UBE2V2: variants seen among roughly 807,000 people sequenced by gnomAD.
UBE2V2 encodes ubiquitin-conjugating enzyme E2 variant 2.
A neutral mutation model predicts 17.2 loss-of-function variants in UBE2V2; 9 were observed. That is an observed-to-expected ratio of 0.52 (90% CI 0.32 to 0.91). The LOEUF (loss-of-function observed/expected upper bound fraction) is 0.91, where lower values mean the gene tolerates loss of function less well. UBE2V2 is among the 40% of genes least tolerant of loss of function. UBE2V2 has a pLI of 0.04. For missense variants in UBE2V2, 133 were observed against 182.6 expected (o/e 0.73, Z 1.56); for synonymous variants, 61 against 57.5 (o/e 1.06, Z -0.28).
chr8:48,037,267 T>A (rs1002394960), intron 1 of UBE2V2, among the ~76,000 whole-genome samples: 2 of 152,264 alleles, frequency 1.3e-5, no homozygotes, highest in African/African-American at 4.8e-5. Flanking sequence ...AATCAGTCTA[T>A]GAAAGGATAA....
At chr8:48,004,925 T>A (rs1396906993), upstream of UBE2V2, among the ~76,000 whole-genome samples, 1 of 151,586 alleles carries the variant, frequency 6.6e-6, no homozygotes, top group Non-Finnish European at 1.5e-5. Flanking sequence ...ACCTCCTGGC[T>A]CAAGTGATCC....
rs1563854639 is a variant in UBE2V2 at position 48,035,634 on chromosome 8, TGTGTGTG to T, written c.17-7398_17-7392del. On this transcript the variant is annotated intron_variant, in intron 1 of 3. Coordinates refer to ENST00000523111, the MANE Select transcript of UBE2V2 (RefSeq NM_003350.3). ...AAAAATTATTGTTTTTTTTTTTTTG[TGTGTGTG>T]TGTGTGTGTGTGTGTGTGTATATGT... is the stretch of plus-strand genomic sequence containing the variant. 6.0e-4 allele frequency among the ~76,000 whole-genome samples: 77 copies of T among 128,224 alleles called. 1 individual carries two copies. Among genetic ancestry groups the T allele is most frequent in the African/African-American group, 1.2e-3 (37 of 30,050 alleles). 84.1% of individuals were successfully genotyped at this position (128,224 alleles called of 152,430 possible). A position where few individuals can be genotyped will look rare whatever the true frequency, so the allele number is the denominator to read the frequency against.
At chr8:48,033,117 TTTC>T (rs2091395234) in intron 1 of UBE2V2, among the ~76,000 whole-genome samples, 1 of 152,186 alleles carries the variant, frequency 6.6e-6, no homozygotes, top group Non-Finnish European at 1.5e-5. Flanking sequence ...AGACTTGACT[TTTC>T]TTAGTGTCCT....
chr8:48,002,873 T>C, the UBE2V2 span, among the ~76,000 whole-genome samples: 4 of 151,984 alleles, frequency 2.6e-5, no homozygotes, highest in Admixed American at 6.6e-5. Flanking sequence ...GATTTAGCCA[T>C]TCCGTAATGT....
At chr8:47,998,674 G>C in the UBE2V2 span, among the ~76,000 whole-genome samples, 2 of 151,718 alleles carry the variant, frequency 1.3e-5, no homozygotes, top group Non-Finnish European at 2.9e-5. Flanking sequence ...AGGGGAGGGA[G>C]GGGGAGAGAG....
chr8:48,042,782 T>C (rs2154507721), intron 1 of UBE2V2: 1 of 294,100 alleles, frequency 3.4e-6, no homozygotes, highest in Non-Finnish European at 6.2e-6. Context: ...CTTACATCAG[T>C]ATAAAATTGA....
chr8:48,029,898 T>C (rs890372289), intron 1 of UBE2V2, among the ~76,000 whole-genome samples: 4 of 152,220 alleles, frequency 2.6e-5, no homozygotes, highest in African/African-American at 9.7e-5. Flanking sequence ...TTATGCCCAT[T>C]TAATAGTCTC....
chr8:48,058,239 C>G (rs545040602), intron 3 of UBE2V2, among the ~76,000 whole-genome samples: 1 of 151,672 alleles, frequency 6.6e-6, no homozygotes, highest in Non-Finnish European at 1.5e-5. Flanking sequence ...GAGGCTGAGG[C>G]GGGTGGATCA....
At chr8:48,060,256 G>A (rs889000772) in intron 3 of UBE2V2, among the ~76,000 whole-genome samples, 1 of 149,786 alleles carries the variant, frequency 6.7e-6, no homozygotes, top group African/African-American at 2.5e-5. Flanking sequence ...TAGGAATAGT[G>A]CGTAGAATAC....
chr8:48,053,308 A>G (rs2091550755), intron 3 of UBE2V2, among the ~76,000 whole-genome samples: 1 of 152,214 alleles, frequency 6.6e-6, no homozygotes. Context: ...TGTTTTTAAA[A>G]GAAATGTTTC....
intron 1 of UBE2V2, among the ~76,000 whole-genome samples, chr8:48,018,089 G>A (rs770999865): frequency 4.6e-5 from 7 of 151,766 alleles, no homozygotes; most frequent in Non-Finnish European, 8.8e-5. Flanking sequence ...CACACGCCTC[G>A]GCCTCCCAAA....
At chr8:48,000,157 G>A in the UBE2V2 span, among the ~76,000 whole-genome samples, 1 of 152,222 alleles carries the variant, frequency 6.6e-6, no homozygotes, top group Non-Finnish European at 1.5e-5. Context: ...AAGACAATAT[G>A]AGGGGTGGTC....
chr8:47,998,056 T>G, the UBE2V2 span, among the ~76,000 whole-genome samples: 1 of 152,010 alleles, frequency 6.6e-6, no homozygotes, highest in Non-Finnish European at 1.5e-5. Flanking sequence ...ACATAAGGAA[T>G]CTCAGACCAC....
intron 1 of UBE2V2, among the ~76,000 whole-genome samples, chr8:48,017,870 A>G (rs1481311676): frequency 2.9e-5 from 4 of 138,512 alleles, no homozygotes; most frequent in Non-Finnish European, 6.2e-5. Context: ...TTTTCCTGAG[A>G]CAGTCTCAAC....
At chr8:48,028,331 C>T (rs991847515) in intron 1 of UBE2V2, among the ~76,000 whole-genome samples, 1 of 149,132 alleles carries the variant, frequency 6.7e-6, no homozygotes, top group Non-Finnish European at 1.5e-5. Context: ...CCACACCCGG[C>T]TGTTTTCTTT....
intron 1 of UBE2V2, among the ~76,000 whole-genome samples, chr8:48,022,972 CTCTAAGTTTTCTGTTGAGAAG>C (rs2091315893): frequency 6.6e-6 from 1 of 151,794 alleles, no homozygotes. Context: ...CTCCCCTGGC[CTCTAAGTTTTCTGTTGAGAAG>C]TCTGCTGCTA....
chr8:48,014,180 T>G (rs755555444), intron 1 of UBE2V2, among the ~76,000 whole-genome samples: 30 of 152,174 alleles, frequency 2.0e-4, no homozygotes, highest in Admixed American at 5.9e-4. Context: ...AACATGCTTT[T>G]GATAATATGG....
At chr8:48,011,244 T>G (rs374974535) in intron 1 of UBE2V2, among the ~76,000 whole-genome samples, 1 of 152,194 alleles carries the variant, frequency 6.6e-6, no homozygotes, top group Non-Finnish European at 1.5e-5. Flanking sequence ...CTCGGCTGAC[T>G]GCAGCCTCTT....
At chr8:47,997,765 GA>G in the UBE2V2 span, among the ~76,000 whole-genome samples, 9 of 152,024 alleles carry the variant, frequency 5.9e-5, no homozygotes, top group Non-Finnish European at 1.2e-4. Flanking sequence ...AAGGGGTGGA[GA>G]CGGGGAGGAC....
Sources: allele counts gnomAD v4.1 joint callset (sites outside exome capture counted in the v4.1 genomes callset), GRCh38; gene constraint gnomAD v4.1.1; transcripts MANE v1.5; gene names NCBI Gene and HGNC (gene_info 2026-07-23, HGNC 2026-07-21).